The following GALNT13 variants were observed in gnomAD, a reference collection of about 807,000 sequenced individuals.
The protein encoded by GALNT13 is polypeptide N-acetylgalactosaminyltransferase 13.
Under a neutral mutation model 64.2 loss-of-function variants are expected in GALNT13, and 28 were observed. The observed-to-expected ratio is 0.44, with a 90% CI of 0.32 to 0.60. The LOEUF is 0.60. Among genes scored for constraint, GALNT13 ranks in the 20% least tolerant of loss-of-function variants. The pLI, the probability that GALNT13 is intolerant of heterozygous loss-of-function variation, is 0.05. For synonymous variants in GALNT13, 214 were observed against 224.6 expected, an observed-to-expected ratio of 0.95 and a Z score of 0.42; for missense variants, 577 against 669.8, an observed-to-expected ratio of 0.86 and a Z score of 1.53.
At chr2:154,009,675 A>G (rs757836345) in intron 3 of GALNT13, among the ~76,000 whole-genome samples, 7 of 152,036 alleles carry the variant, frequency 4.6e-5, no homozygotes, top group Non-Finnish European at 1.0e-4. Flanking sequence ...GTTTTAGTAG[A>G]GAGGGGGTTT....
chr2:154,118,288 T>C (rs1681720462), intron 3 of GALNT13, among the ~76,000 whole-genome samples: 1 of 147,850 alleles, frequency 6.8e-6, no homozygotes, highest in Non-Finnish European at 1.5e-5. Context: ...TTGTCTTTTT[T>C]TTTTTTTTAC....
chr2:154,455,003 CA>C (rs1465349079), downstream of GALNT13, among the ~76,000 whole-genome samples: 1 of 151,810 alleles, frequency 6.6e-6, no homozygotes, highest in Non-Finnish European at 1.5e-5. Context: ...GGGAAATCAG[CA>C]GAGATTTCTA....
At chr2:153,276,201 A>G in the GALNT13 span, among the ~76,000 whole-genome samples, 1 of 152,098 alleles carries the variant, frequency 6.6e-6, no homozygotes, top group African/African-American at 2.4e-5. Flanking sequence ...TGTCTATTAC[A>G]CACTATGCTT....
At position 154,068,309 on chromosome 2, in the gene GALNT13, C is replaced by G. The variant is rs373884156; in HGVS notation, c.143-72028C>G. Among the ~76,000 whole-genome samples the G allele has an allele frequency of 4.6e-5, 7 of 151,998 alleles. No individual in the cohort carries two copies. The East Asian group carries it at 1.4e-3, about 30-fold the overall frequency. On this transcript the variant is annotated intron_variant, in intron 3 of 12. Coordinates refer to ENST00000392825, the MANE Select transcript of GALNT13 (RefSeq NM_052917.4). Reference sequence around the variant, plus strand: ...TACTATGGAGAACACTTTGAAGATTCTTCAAAATACTAAAAATGGATCTGC... The same window carrying G: ...TACTATGGAGAACACTTTGAAGATTGTTCAAAATACTAAAAATGGATCTGC...
intron 3 of GALNT13, among the ~76,000 whole-genome samples, chr2:154,085,656 G>T (rs1029884775): frequency 2.0e-5 from 3 of 152,060 alleles, no homozygotes; most frequent in African/African-American, 7.2e-5. Context: ...ATGCAACAGA[G>T]TTTCTATGCA....
At chr2:153,939,002 C>T (rs1009273448) in intron 2 of GALNT13, among the ~76,000 whole-genome samples, 5 of 151,870 alleles carry the variant, frequency 3.3e-5, no homozygotes, top group African/African-American at 7.3e-5. Flanking sequence ...GTAAGAGAAG[C>T]GTAATCCTGT....
the GALNT13 span, among the ~76,000 whole-genome samples, chr2:153,083,172 G>A: frequency 6.6e-6 from 1 of 152,264 alleles, no homozygotes; most frequent in South Asian, 2.1e-4. Flanking sequence ...ATAAACATGG[G>A]TGCTCAAGTG....
At chr2:153,270,384 C>T in the GALNT13 span, among the ~76,000 whole-genome samples, 1 of 152,186 alleles carries the variant, frequency 6.6e-6, no homozygotes, top group Non-Finnish European at 1.5e-5. Flanking sequence ...AATTATTTGT[C>T]TTCGATGTCT....
At chr2:153,930,539 GA>G (rs1690445672) in intron 2 of GALNT13, among the ~76,000 whole-genome samples, 1 of 152,108 alleles carries the variant, frequency 6.6e-6, no homozygotes, top group African/African-American at 2.4e-5. Context: ...TTCTGCCTAT[GA>G]CTAGCCAGTT....
intron 3 of GALNT13, among the ~76,000 whole-genome samples, chr2:153,959,274 C>T (rs1376485890): frequency 6.6e-6 from 1 of 152,032 alleles, no homozygotes; most frequent in Non-Finnish European, 1.5e-5. Context: ...ACCTTGGGGG[C>T]AATCAGGGGG....
At chr2:153,738,618 T>A in the GALNT13 span, among the ~76,000 whole-genome samples, 1 of 151,990 alleles carries the variant, frequency 6.6e-6, no homozygotes, top group Non-Finnish European at 1.5e-5. Flanking sequence ...TATGTATATG[T>A]TATTTTACAA....
At chr2:153,580,248 G>A in the GALNT13 span, among the ~76,000 whole-genome samples, 1 of 151,910 alleles carries the variant, frequency 6.6e-6, no homozygotes, top group African/African-American at 2.4e-5. Context: ...TTAATCCTCT[G>A]CAGGTTACTT....
the GALNT13 span, among the ~76,000 whole-genome samples, chr2:153,836,754 G>A: frequency 1.5e-4 from 22 of 149,574 alleles, no homozygotes; most frequent in South Asian, 6.3e-4. Flanking sequence ...GAGAACATGC[G>A]GTGTTTGGTT....
the GALNT13 span, among the ~76,000 whole-genome samples, chr2:153,757,233 T>C: frequency 6.6e-6 from 1 of 152,288 alleles, no homozygotes; most frequent in Non-Finnish European, 1.5e-5. Flanking sequence ...TTCTTCCGTG[T>C]TAGCTTCTTA....
the GALNT13 span, among the ~76,000 whole-genome samples, chr2:153,798,964 ATAT>A: frequency 6.6e-6 from 1 of 152,176 alleles, no homozygotes; most frequent in East Asian, 1.9e-4. Flanking sequence ...AAATACTGAC[ATAT>A]TATTTTCACA....
intron 3 of GALNT13, among the ~76,000 whole-genome samples, chr2:154,093,232 G>A (rs929939932): frequency 4.6e-5 from 7 of 151,884 alleles, no homozygotes; most frequent in African/African-American, 1.7e-4. Flanking sequence ...TTTGATTATA[G>A]GGGATTCTCT....
intron 3 of GALNT13, among the ~76,000 whole-genome samples, chr2:154,022,228 A>G (rs1697562065): frequency 6.6e-6 from 1 of 152,196 alleles, no homozygotes; most frequent in Admixed American, 6.5e-5. Context: ...AAAATGAGTT[A>G]GGGAGGATTC....
chr2:153,786,788 C>T, the GALNT13 span, among the ~76,000 whole-genome samples: 9 of 152,140 alleles, frequency 5.9e-5, no homozygotes, highest in African/African-American at 1.9e-4. Context: ...AGTGGTACTA[C>T]CCCTGCTACC....
At chr2:154,239,752 C>A (rs1196445404) in intron 4 of GALNT13, among the ~76,000 whole-genome samples, 1 of 152,044 alleles carries the variant, frequency 6.6e-6, no homozygotes, top group Non-Finnish European at 1.5e-5. Context: ...TAAATGTATG[C>A]TGGAAAATGT....
Sources: gnomAD v4.1 joint callset for allele counts (sites outside exome capture counted in the v4.1 genomes callset) on GRCh38, gnomAD v4.1.1 for gene constraint, MANE v1.5 for transcripts, NCBI Gene and HGNC (gene_info 2026-07-23, HGNC 2026-07-21) for gene names.